PATL1: variants seen among roughly 807,000 people sequenced by gnomAD.
The protein encoded by PATL1 is protein PAT1 homolog 1.
A neutral mutation model predicts 100.6 loss-of-function variants in PATL1; 32 were observed. The ratio of observed to expected loss-of-function variants is 0.32; its 90% confidence interval spans 0.24 to 0.43. The LOEUF is 0.43. PATL1 is among the 20% of genes least tolerant of loss of function. The probability of loss-of-function intolerance (pLI) is 1.00; values close to 1 mark genes in which losing one functional copy is unlikely to be tolerated. For missense variants in PATL1, 747 were observed against 949.9 expected, an observed-to-expected ratio of 0.79 and a Z score of 2.81; for synonymous variants, 332 against 330.0, an observed-to-expected ratio of 1.01 and a Z score of -0.07.
intron 1 of PATL1, 48 bp from the exon 2 acceptor site, chr11:59,667,012 AT>A: frequency 6.6e-7 from 1 of 1,517,538 alleles, no homozygotes. Flanking sequence ...TCACACCCTC[AT>A]TTTAAAAATG....
intron 8 of PATL1, among the ~76,000 whole-genome samples, chr11:59,654,275 G>C (rs147606623): frequency 1.3e-5 from 2 of 151,894 alleles, no homozygotes; most frequent in Non-Finnish European, 2.9e-5. Flanking sequence ...TCAGGAGTTC[G>C]AGACCAGCCT....
chr11:59,651,529 T>C lies in PATL1; in HGVS notation c.1524+15A>G. The C allele has an allele frequency of 4.4e-6, 7 of 1,583,996 alleles. No homozygotes were observed. Among genetic ancestry groups the C allele is most frequent in the Non-Finnish European group, 6.1e-6 (7 of 1,155,706 alleles). On this transcript the variant is annotated intron_variant, in intron 12 of 18. Transcript: ENST00000300146. ...AATCAGACGTTCTTAAACAGACAAT[T>C]GTGTTGACACTTACATCATCCTCAC...
At position 59,647,865 on chromosome 11, in the gene PATL1, C is replaced by T. The variant is rs1861385513; in HGVS notation, c.1782G>A (p.Lys594=). Residue 594 remains lysine, a synonymous_variant, in exon 15 of 19, where the codon AAG becomes AAA. Coordinates refer to ENST00000300146, the MANE Select transcript of PATL1 (RefSeq NM_152716.3). ...AAGGAAGAATACGGGCAACCATTCT[C>T]TTCCCTTTTCGGATACACATGATCT... The part of the protein sequence containing the change: ...FVQIMCIRKG[K]RMVARILPFL... 6.2e-7 allele frequency: 1 copy of T among 1,613,842 alleles called. No individual in the cohort carries two copies. The highest frequency in any genetic ancestry group is 1.3e-5 in the African/African-American group (1 of 74,924).
At chr11:59,664,683 C>G (rs1261479395) in intron 2 of PATL1, among the ~76,000 whole-genome samples, 2 of 152,294 alleles carry the variant, frequency 1.3e-5, no homozygotes, top group East Asian at 3.9e-4. Flanking sequence ...AAGGGATCCT[C>G]CAGCCTCAGC....
intron 2 of PATL1, 110 bp downstream of exon 2, chr11:59,666,743 G>T (rs1402151205): frequency 4.4e-6 from 5 of 1,143,378 alleles, no homozygotes; most frequent in African/African-American, 1.6e-5. Flanking sequence ...AGAATATCTT[G>T]CCAAGTTAGT....
At chr11:59,660,880 A>T (rs1861616665) in intron 2 of PATL1, among the ~76,000 whole-genome samples, 1 of 152,214 alleles carries the variant, frequency 6.6e-6, no homozygotes, top group Non-Finnish European at 1.5e-5. Flanking sequence ...TAGCACTGAC[A>T]TTAAGGTTGT....
At position 59,650,734 on chromosome 11, in the gene PATL1, G is replaced by A. The variant is rs200567419; in HGVS notation, c.1584+20C>T. 2.6e-5 allele frequency: 40 copies of A among 1,523,666 alleles called. No individual in the cohort carries two copies. The Middle Eastern group carries it at 5.1e-4, about 19-fold the overall frequency. 94.4% of individuals were successfully genotyped at this position (1,523,666 alleles called of 1,614,324 possible). A position where few individuals can be genotyped will look rare whatever the true frequency, so the allele number is the denominator to read the frequency against. Reference sequence around the variant, plus strand: ...AGTTCCGTATTTGAAACTAACTACAGCAACAAATTCTAAACTTACTTTCTC... The same window carrying A: ...AGTTCCGTATTTGAAACTAACTACAACAACAAATTCTAAACTTACTTTCTC... On this transcript the variant is annotated intron_variant, in intron 13 of 18. Coordinates refer to ENST00000300146, the MANE Select transcript of PATL1 (RefSeq NM_152716.3).
chr11:59,652,280 C>CA lies in PATL1; in HGVS notation c.1426+183dup, dbSNP rs1861458759. ...GAAAAGGACCTAAAAAGGCACATGT[C>CA]AAAGCGTTCAGTCCAGACGTGAATA... On this transcript the variant is annotated intron_variant, in intron 11 of 18. Transcript: ENST00000300146. Among the ~76,000 whole-genome samples, 3 of 152,132 alleles carry CA rather than the reference C, an allele frequency of 2.0e-5. No homozygotes were observed. In the South Asian group the frequency reaches 6.2e-4, roughly 32 times the overall value.
At chr11:59,645,786 G>A (rs1861356420) in intron 15 of PATL1, among the ~76,000 whole-genome samples, 1 of 152,070 alleles carries the variant, frequency 6.6e-6, no homozygotes, top group Non-Finnish European at 1.5e-5. Context: ...GTTGGTTTGT[G>A]TATCCTTTAG....
At chr11:59,665,132 A>G (rs1015857503) in intron 2 of PATL1, among the ~76,000 whole-genome samples, 2 of 152,196 alleles carry the variant, frequency 1.3e-5, no homozygotes, top group East Asian at 1.9e-4. Flanking sequence ...TAATCATAAC[A>G]AAGTTTTAGT....
intron 16 of PATL1, 54 bp from the exon 17 acceptor site, chr11:59,639,437 AC>A: frequency 7.4e-7 from 1 of 1,360,112 alleles, no homozygotes; most frequent in Non-Finnish European, 1.0e-6. Flanking sequence ...AACCTCCTCC[AC>A]CACTGTTGAA....
At position 59,658,879 on chromosome 11, in the gene PATL1, G is replaced by A. The variant is rs1861583786; in HGVS notation, c.413C>T (p.Pro138Leu). ...GSEVLRRIRG[P>L]LLAQEMPTVS... ...AATATTTAATACCTGAGCAAGCAGT[G>A]GTCCTCGGATTCGCCTCAGAACTTC... The change falls in exon 4 of 19, where the codon CCA becomes CTA. Residue 138 changes from proline (P) to leucine (L), a missense_variant. By Grantham distance (98) the Pro-to-Leu change is moderately conservative. Transcript: ENST00000300146. 2.6e-6 allele frequency: 4 copies of A among 1,548,700 alleles called. No homozygotes were observed. Among genetic ancestry groups the A allele is most frequent in the Non-Finnish European group, 3.5e-6 (4 of 1,146,190 alleles).
intron 11 of PATL1, among the ~76,000 whole-genome samples, chr11:59,651,985 A>G (rs1455674279): frequency 7.1e-6 from 1 of 140,544 alleles, no homozygotes; most frequent in Admixed American, 7.9e-5. Context: ...GAATCGCTTG[A>G]GCCCAGGAGG....
intron 1 of PATL1, 54 bp downstream of exon 1, chr11:59,668,827 A>C: frequency 1.2e-6 from 1 of 804,302 alleles, no homozygotes; most frequent in East Asian, 5.6e-5. Context: ...AGAGAGAGTG[A>C]GGGAGAGGGG....
chr11:59,652,298 C>T (rs549386096), intron 11 of PATL1, among the ~76,000 whole-genome samples, 166 bp downstream of exon 11: 4 of 152,086 alleles, frequency 2.6e-5, no homozygotes, highest in South Asian at 2.1e-4. Context: ...TCAGTCCAGA[C>T]GTGAATAAAG....
At chr11:59,663,209 T>A (rs984295809) in intron 2 of PATL1, among the ~76,000 whole-genome samples, 8 of 152,022 alleles carry the variant, frequency 5.3e-5, no homozygotes, top group Admixed American at 1.3e-4. Flanking sequence ...TTATCCGTAA[T>A]AACGAACTAA....
Position 59,651,441 on chromosome 11 carries a change from G to T in PATL1, c.1524+103C>A, listed in dbSNP as rs894686118. ...TGACGAGGTGGGAGGCCCCGGGTTA[G>T]ACTACAAACAACTCTACCATGCCTG... On this transcript the variant is annotated intron_variant, in intron 12 of 18. Transcript: ENST00000300146. 4 of 871,400 alleles carry T rather than the reference G, an allele frequency of 4.6e-6. No homozygotes were observed. In the Admixed American group the frequency reaches 7.3e-5, roughly 16 times the overall value. 54.0% of individuals were successfully genotyped at this position (871,400 alleles called of 1,614,324 possible).
chr11:59,659,225 G>A, intron 3 of PATL1, 27 bp downstream of exon 3: 1 of 1,541,628 alleles, frequency 6.5e-7, no homozygotes, highest in South Asian at 1.2e-5. Flanking sequence ...GTCTGCTATA[G>A]TTCTCAAATC....
At position 59,649,921 on chromosome 11, in the gene PATL1, A is replaced by T. The variant is rs775616316; in HGVS notation, c.1585-311T>A. On this transcript the variant is annotated intron_variant, in intron 13 of 18. Transcript: ENST00000300146. ...CGGATCACGTGAGGTTGGGAGTCCA[A>T]GACCAGCCTGAACAACATGGAGAAA... 1.1e-3 allele frequency among the ~76,000 whole-genome samples: 174 copies of T among 152,150 alleles called. 5 individuals are homozygous for T. Among genetic ancestry groups the T allele is most frequent in the Admixed American group, 4.6e-4 (7 of 15,266 alleles).
Sources: allele counts gnomAD v4.1 joint callset (sites outside exome capture counted in the v4.1 genomes callset), GRCh38; gene constraint gnomAD v4.1.1; transcripts MANE v1.5; gene names NCBI Gene and HGNC (gene_info 2026-07-23, HGNC 2026-07-21).